The following FCRL2 variants were observed in gnomAD, a reference collection of about 807,000 sequenced individuals.
The protein encoded by FCRL2 is Fc receptor-like protein 2.
Under a neutral mutation model 59.8 loss-of-function variants are expected in FCRL2, and 48 were observed. That is an observed-to-expected ratio of 0.80 (90% CI 0.64 to 1.02). The LOEUF is 1.02. FCRL2 is among the 50% of genes least tolerant of loss of function. The pLI is 0.00. For synonymous variants in FCRL2, 251 were observed against 229.5 expected, an observed-to-expected ratio of 1.09 and a Z score of -0.85; for missense variants, 658 against 597.3, an observed-to-expected ratio of 1.10 and a Z score of -1.06.
chr1:157,766,197 C>G (rs981571497), intron 7 of FCRL2, among the ~76,000 whole-genome samples: 7 of 152,206 alleles, frequency 4.6e-5, no homozygotes. Context: ...CCTGGCCAGG[C>G]GCTGTGGCTC....
In FCRL2 at chr1:157,766,918, A is replaced by G. The variant is rs1557864709; in HGVS notation, c.1216T>C (p.Phe406Leu). The change falls in exon 7 of 12, where the codon TTT becomes CTT. Residue 406 changes from phenylalanine to leucine, a missense_variant. Coordinates refer to ENST00000361516, the MANE Select transcript of FCRL2 (RefSeq NM_030764.4). ...ACACCAGTGAAACCAAGGACACCAA[A>G]CAGTCCCCAGAGAACTCCAGCTGTC... The part of the protein sequence containing the change: ...LMTAGVLWGL[F>L]GVLGFTGVAL... 6.2e-7 allele frequency: 1 copy of G among 1,614,170 alleles called. No individual in the cohort carries two copies. The highest frequency in any genetic ancestry group is 2.2e-5 in the East Asian group (1 of 44,882).
intron 8 of FCRL2, 116 bp downstream of exon 8, chr1:157,749,534 G>A: frequency 1.4e-6 from 1 of 709,780 alleles, no homozygotes; most frequent in Non-Finnish European, 2.4e-6. Flanking sequence ...ATTATAGAAA[G>A]ATACCATGTT....
intron 7 of FCRL2, among the ~76,000 whole-genome samples, chr1:157,765,906 C>G (rs1392880563): frequency 6.6e-6 from 1 of 152,104 alleles, no homozygotes; most frequent in Non-Finnish European, 1.5e-5. Flanking sequence ...CTTTTTGGAG[C>G]CTGAATCAAC....
chr1:157,772,028 T>TTATATATATATATA (rs35452726), intron 2 of FCRL2, among the ~76,000 whole-genome samples: 70 of 147,146 alleles, frequency 4.8e-4, no homozygotes, highest in Middle Eastern at 3.6e-3. Flanking sequence ...AACAATCTGA[T>TTATATATATATATA]TATATATATA....
chr1:157,769,731 C>T (rs963589917), intron 4 of FCRL2, 135 bp downstream of exon 4: 1 of 1,159,044 alleles, frequency 8.6e-7, no homozygotes, highest in African/African-American at 1.6e-5. Context: ...CCGGCCGCAA[C>T]CTGGAGGGTT....
intron 7 of FCRL2, among the ~76,000 whole-genome samples, chr1:157,755,626 G>T (rs1648529460): frequency 6.6e-6 from 1 of 152,086 alleles, no homozygotes; most frequent in South Asian, 2.1e-4. Context: ...TCCATCAATA[G>T]GTAATCATTA....
chr1:157,772,819 G>A (rs1040743031), intron 2 of FCRL2, among the ~76,000 whole-genome samples: 1 of 152,168 alleles, frequency 6.6e-6, no homozygotes, highest in Non-Finnish European at 1.5e-5. Context: ...TGCACTGAAA[G>A]CATATCTAGC....
In FCRL2 at chr1:157,767,413, G is replaced by T; in HGVS notation, c.980C>A (p.Ser327Tyr). Residue 327 changes from serine to tyrosine, a missense_variant, in exon 6 of 12, where the codon TCT becomes TAT. By Grantham distance (144) the Ser-to-Tyr change is moderately radical (BLOSUM62 -2). Transcript: ENST00000361516. ...ATAAAATTGGTACAAGATTGGGGGAGAGCCTCTCAGGGCCTCACAGTGAAG... is the reference window on the plus strand; with the variant it reads ...ATAAAATTGGTACAAGATTGGGGGATAGCCTCTCAGGGCCTCACAGTGAAG... ...LELHCEALRG[S>Y]PPILYQFYHE... The T allele has an allele frequency of 6.2e-7, 1 of 1,614,216 alleles. No individual in the cohort carries two copies. The highest frequency in any genetic ancestry group is 8.5e-7 in the Non-Finnish European group (1 of 1,180,024).
intron 7 of FCRL2, among the ~76,000 whole-genome samples, chr1:157,757,176 A>G (rs1301590540): frequency 6.6e-6 from 1 of 152,234 alleles, no homozygotes; most frequent in Non-Finnish European, 1.5e-5. Flanking sequence ...TCAATAACAA[A>G]AGTGACAGAT....
intron 7 of FCRL2, among the ~76,000 whole-genome samples, chr1:157,753,093 CT>C (rs1435870908): frequency 6.6e-6 from 1 of 152,180 alleles, no homozygotes; most frequent in Non-Finnish European, 1.5e-5. Flanking sequence ...AAAGTTAGAT[CT>C]GAATAGTATC....
chr1:157,775,060 G>T (rs1650301615), intron 2 of FCRL2, among the ~76,000 whole-genome samples: 1 of 152,168 alleles, frequency 6.6e-6, no homozygotes, highest in Non-Finnish European at 1.5e-5. Context: ...GATTAGAACA[G>T]TAATACATGC....
chr1:157,776,517 C>G (rs1288210711), intron 1 of FCRL2, among the ~76,000 whole-genome samples: 1 of 152,064 alleles, frequency 6.6e-6, no homozygotes, highest in East Asian at 1.9e-4. Flanking sequence ...GATCCACCAG[C>G]CTTGGACTCC....
At position 157,752,548 on chromosome 1, in the gene FCRL2, G is replaced by A. The variant is rs146314355; in HGVS notation, c.1280-2871C>T. ...AAGTGGATAGACTATGGGCCTGCCT[G>A]CGATTTCAACCAGAGTCAGGGAAAA... is the stretch of plus-strand genomic sequence containing the variant. On this transcript the variant is annotated intron_variant, in intron 7 of 11. Coordinates refer to ENST00000361516, the MANE Select transcript of FCRL2 (RefSeq NM_030764.4). Among the ~76,000 whole-genome samples the A allele has an allele frequency of 4.2e-3, 646 of 152,326 alleles. 3 individuals carry two copies. The highest frequency in any genetic ancestry group is 0.013 in the African/African-American group (538 of 41,582).
At chr1:157,763,389 G>A (rs1482310208) in intron 7 of FCRL2, among the ~76,000 whole-genome samples, 1 of 152,064 alleles carries the variant, frequency 6.6e-6, no homozygotes, top group East Asian at 1.9e-4. Context: ...GCCAGGCATG[G>A]TGGCGGGTGC....
intron 7 of FCRL2, among the ~76,000 whole-genome samples, chr1:157,756,570 T>C (rs1214866813): frequency 6.6e-6 from 1 of 151,942 alleles, no homozygotes; most frequent in Non-Finnish European, 1.5e-5. Flanking sequence ...TCCCATCTAC[T>C]TGGGAAATTG....
Position 157,767,276 on chromosome 1 carries a change from C to G in FCRL2, c.1117G>C (p.Gly373Arg). 6.2e-7 allele frequency: 1 copy of G among 1,614,126 alleles called. No individual in the cohort carries two copies. Among genetic ancestry groups the G allele is most frequent in the Non-Finnish European group, 8.5e-7 (1 of 1,179,990 alleles). Residue 373 changes from glycine (G) to arginine (R), a missense_variant, in exon 6 of 12, where the codon GGC becomes CGC. Physicochemically the swap from Gly to Arg is moderately radical, Grantham distance 125. Transcript: ENST00000361516. Reference sequence around the variant, plus strand: ...GCCTCACTGCACTGGGCCCCCAGGCCGTTGTTGGCCTCACAGGAGTAGTTT... The same window carrying G: ...GCCTCACTGCACTGGGCCCCCAGGCGGTTGTTGGCCTCACAGGAGTAGTTT... ...SGNYSCEANNGLGAQCSEAVP... is the reference protein window; with the variant it reads ...SGNYSCEANNRLGAQCSEAVP...
At chr1:157,750,436 C>T (rs1373524144) in intron 7 of FCRL2, among the ~76,000 whole-genome samples, 4 of 152,192 alleles carry the variant, frequency 2.6e-5, no homozygotes, top group Admixed American at 2.0e-4. Context: ...GTCACTACTA[C>T]AAGAGACATG....
intron 7 of FCRL2, among the ~76,000 whole-genome samples, chr1:157,759,913 A>G (rs1448411274): frequency 6.6e-6 from 1 of 152,190 alleles, no homozygotes; most frequent in African/African-American, 2.4e-5. Flanking sequence ...AAATAGAACT[A>G]CCATTTGGCC....
chr1:157,768,439 G>T lies in FCRL2; in HGVS notation c.858C>A (p.Ser286Arg), dbSNP rs763075280. The T allele has an allele frequency of 3.1e-6, 5 of 1,614,112 alleles. No homozygotes were observed. In the African/African-American group the frequency reaches 4.0e-5, roughly 13 times the overall value. ...RADNGHVPIQSKVVNIPVRIP... is the reference protein window; with the variant it reads ...RADNGHVPIQRKVVNIPVRIP... The stretch of plus-strand genomic sequence containing the variant: ...TTCTCACAGGGATATTCACCACCTT[G>T]CTCTGGATAGGCACATGGCCGTTGT... Residue 286 changes from serine (S) to arginine (R), a missense_variant, in exon 5 of 12, where the codon AGC (serine) becomes AGA (arginine). Ser to Arg is a moderately radical substitution (Grantham distance 110). Transcript: ENST00000361516.
Sources: gnomAD v4.1 joint callset for allele counts (sites outside exome capture counted in the v4.1 genomes callset) on GRCh38, gnomAD v4.1.1 for gene constraint, MANE v1.5 for transcripts, NCBI Gene and HGNC (gene_info 2026-07-23, HGNC 2026-07-21) for gene names.